Variants in NXN observed in about 807,000 individuals in gnomAD.
NXN encodes the protein nucleoredoxin, also known as nucleoredoxin 1.
Under a neutral mutation model 48.6 loss-of-function variants are expected in NXN, and 16 were observed. The ratio of observed to expected loss-of-function variants is 0.33; its 90% CI spans 0.22 to 0.50. The LOEUF (loss-of-function observed/expected upper bound fraction) is 0.50, where lower values mean the gene tolerates loss of function less well. Ranked by LOEUF, NXN falls within the 20% of genes least tolerant of loss-of-function variation. The pLI is 0.98. For missense variants in NXN, 492 were observed against 605.5 expected (o/e 0.81, Z 1.97); for synonymous variants, 281 against 269.6 (o/e 1.04, Z -0.41).
In NXN at chr17:958,719, G is replaced by A. The variant is rs1026892985; in HGVS notation, c.360+20600C>T. ...GGAGGTAGAAGTGAGCCCAGATTGT[G>A]CCACTGAACTCCAGCACAGGCGACA... On this transcript the variant is annotated intron_variant, in intron 1 of 7. Coordinates refer to ENST00000336868, the MANE Select transcript of NXN (RefSeq NM_022463.5). This position sits in a 1 kb window ranked among gnomAD's most constrained non-coding sequence, Gnocchi z 6.9. Among the ~76,000 whole-genome samples the A allele has an allele frequency of 1.6e-4, 24 of 152,066 alleles. No homozygotes were observed. The highest frequency in any genetic ancestry group is 1.4e-3 in the Admixed American group (21 of 15,254).
intron 1 of NXN, among the ~76,000 whole-genome samples, chr17:938,304 G>A (rs955023625): frequency 7.9e-5 from 12 of 152,240 alleles, no homozygotes; most frequent in African/African-American, 1.4e-4. Context: ...TAGAGCAGGC[G>A]GCAAGAGCTT....
chr17:832,729 T>TTCCC (rs916677751), intron 1 of NXN, among the ~76,000 whole-genome samples: 16 of 152,050 alleles, frequency 1.1e-4, no homozygotes, highest in African/African-American at 3.6e-4. Context: ...AACCTGCATC[T>TTCCC]TCCCTCCCTC....
chr17:885,523 T>C (rs965356953), intron 1 of NXN, among the ~76,000 whole-genome samples: 1 of 151,830 alleles, frequency 6.6e-6, no homozygotes, highest in Non-Finnish European at 1.5e-5. Context: ...CAGGATTTCA[T>C]AGTCCGTCTC....
intron 1 of NXN, among the ~76,000 whole-genome samples, chr17:885,475 C>T (rs1456007130): frequency 1.4e-5 from 2 of 147,894 alleles, no homozygotes; most frequent in Admixed American, 6.7e-5. Context: ...GAGACTCAAT[C>T]TCAAAAAAAA....
At chr17:923,537 T>C (rs903968589) in intron 1 of NXN, among the ~76,000 whole-genome samples, 1 of 152,126 alleles carries the variant, frequency 6.6e-6, no homozygotes, top group African/African-American at 2.4e-5. Context: ...CAAAAATTTT[T>C]AATTAATTTT....
intron 1 of NXN, among the ~76,000 whole-genome samples, chr17:936,567 G>A (rs531826718): frequency 3.6e-4 from 54 of 151,620 alleles, no homozygotes; most frequent in Middle Eastern, 3.4e-3. Context: ...ACTGGACTTG[G>A]AGGAAGGGCA....
At chr17:911,938 C>CTTTT (rs147131427) in intron 1 of NXN, among the ~76,000 whole-genome samples, 1 of 141,746 alleles carries the variant, frequency 7.1e-6, no homozygotes, top group African/African-American at 2.6e-5. Flanking sequence ...CATGCATATA[C>CTTTT]TTTTTTTTTT....
intron 1 of NXN, among the ~76,000 whole-genome samples, chr17:898,160 C>T (rs2144891366): frequency 6.6e-6 from 1 of 152,282 alleles, no homozygotes; most frequent in African/African-American, 2.4e-5. Context: ...AACCTCAGCA[C>T]TTGGCGGCTG....
intron 1 of NXN, among the ~76,000 whole-genome samples, chr17:856,219 C>A (rs1174058178): frequency 6.6e-6 from 1 of 151,986 alleles, no homozygotes; most frequent in Non-Finnish European, 1.5e-5. Flanking sequence ...TCTGATCTCT[C>A]CTTGCATTTG....
intron 1 of NXN, among the ~76,000 whole-genome samples, chr17:827,783 A>T (rs1913212931): frequency 1.3e-5 from 2 of 152,342 alleles, no homozygotes; most frequent in Non-Finnish European, 2.9e-5. Context: ...GCCCTTGGGC[A>T]GAACAGGGCA....
intron 1 of NXN, among the ~76,000 whole-genome samples, chr17:846,994 G>GT (rs1224939612): frequency 1.3e-5 from 2 of 152,206 alleles, no homozygotes; most frequent in Non-Finnish European, 2.9e-5. Flanking sequence ...GATGAGGAAT[G>GT]TGACTACGTA....
Position 801,030 on chromosome 17 carries a change from G to C in NXN, c.1227C>G (p.Asp409Glu). The change falls in exon 8 of 8, where the codon GAC becomes GAG. Residue 409 changes from aspartate (D) to glutamate (E), a missense_variant. Asp to Glu is a conservative substitution (Grantham distance 45, BLOSUM62 2). Around this residue, in one of 3 missense-constraint regions of NXN, gnomAD observed 303 missense variants for 388.3 expected, o/e 0.78. Coordinates refer to ENST00000336868, the MANE Select transcript of NXN (RefSeq NM_022463.5). ...DMSARAKYVM[D>E]VEEITPAIVE... ...CGATGGCGGGGGTGATCTCCTCCAC[G>C]TCCATCACGTACTTGGCCCGGGCTG... 1 of 1,572,706 alleles carries C rather than the reference G, an allele frequency of 6.4e-7. No individual in the cohort carries two copies. Among genetic ancestry groups the C allele is most frequent in the Non-Finnish European group, 8.6e-7 (1 of 1,158,042 alleles).
Position 979,587 on chromosome 17 carries a change from A to G in NXN, c.92T>C (p.Ile31Thr). The change falls in exon 1 of 8, where the codon ATC (isoleucine) becomes ACC (threonine). Residue 31 changes from isoleucine to threonine, a missense_variant. Physicochemically the swap from Ile to Thr is moderately conservative, Grantham distance 89. This residue lies in a region of NXN where 186 missense variants were observed against 199.1 expected (regional missense o/e 0.93). Transcript: ENST00000336868. ...GCCGAAGTAGAGACCCAGCAGCGAGATGCCGCGGGCGCCCAGCGAGTGCAC... is the reference window on the plus strand; with the variant it reads ...GCCGAAGTAGAGACCCAGCAGCGAGGTGCCGCGGGCGCCCAGCGAGTGCAC... Reference protein sequence around the residue: ...VDVHSLGARGISLLGLYFGCS... With the variant: ...VDVHSLGARGTSLLGLYFGCS... 6.9e-7 allele frequency: 1 copy of G among 1,441,320 alleles called. No individual in the cohort carries two copies. 89.3% of individuals were successfully genotyped at this position (1,441,320 alleles called of 1,614,324 possible). A position where few individuals can be genotyped will look rare whatever the true frequency, so the allele number is the denominator to read the frequency against.
intron 1 of NXN, among the ~76,000 whole-genome samples, chr17:850,271 G>C (rs1031062837): frequency 1.3e-5 from 2 of 152,132 alleles, no homozygotes; most frequent in Non-Finnish European, 2.9e-5. Flanking sequence ...CTGGGGAGGA[G>C]ACACCTGCTC....
intron 1 of NXN, among the ~76,000 whole-genome samples, chr17:972,179 A>G (rs1304776563): frequency 6.6e-5 from 10 of 152,090 alleles, no homozygotes; most frequent in Admixed American, 1.3e-4. Context: ...ACATGCGCCT[A>G]TAATCCCAGC....
intron 5 of NXN, among the ~76,000 whole-genome samples, chr17:812,782 ATG>A (rs756561671): frequency 4.2e-5 from 5 of 120,416 alleles, no homozygotes; most frequent in African/African-American, 5.7e-5. Context: ...AGGTGTGTGC[ATG>A]TGTGTAGGTG....
chr17:948,473 A>G (rs1001060669), intron 1 of NXN, among the ~76,000 whole-genome samples: 1 of 152,126 alleles, frequency 6.6e-6, no homozygotes, highest in Non-Finnish European at 1.5e-5. Flanking sequence ...ACTGAGGGGT[A>G]GGAGCGGCCC....
chr17:817,686 AAAAG>A (rs1327210799), intron 5 of NXN, among the ~76,000 whole-genome samples: 2 of 151,684 alleles, frequency 1.3e-5, no homozygotes, highest in Admixed American at 6.6e-5. Flanking sequence ...AAAAAAAAAA[AAAAG>A]AGCCTGATGA....
intron 1 of NXN, among the ~76,000 whole-genome samples, chr17:889,212 G>A (rs919895004): frequency 5.3e-5 from 8 of 152,006 alleles, no homozygotes; most frequent in South Asian, 2.1e-4. Flanking sequence ...GCGCCTGCAC[G>A]TGCCACACTT....
Sources: gnomAD v4.1 joint callset for allele counts (sites outside exome capture counted in the v4.1 genomes callset) on GRCh38, gnomAD v4.1.1 for gene constraint, gnomAD v4.1.1 regional missense constraint, Gnocchi (gnomAD v3.1) non-coding constraint, MANE v1.5 for transcripts, NCBI Gene and HGNC (gene_info 2026-07-23, HGNC 2026-07-21) for gene names.